CNBD1: variants seen among roughly 807,000 people sequenced by gnomAD.
CNBD1 encodes cyclic nucleotide-binding domain-containing protein 1.
Under a neutral mutation model 54.4 loss-of-function variants are expected in CNBD1, and 71 were observed. The ratio of observed to expected loss-of-function variants is 1.30; its 90% CI spans 1.08 to 1.59. The LOEUF is 1.59. Among genes scored for constraint, CNBD1 ranks in the 40% most tolerant of loss-of-function variants. CNBD1 has a pLI of 0.00. For missense variants in CNBD1, 659 were observed against 518.0 expected, an observed-to-expected ratio of 1.27 and a Z score of -2.64; for synonymous variants, 182 against 170.7, an observed-to-expected ratio of 1.07 and a Z score of -0.51.
In CNBD1 at chr8:87,276,306, A is replaced by G. The variant is rs151212454; in HGVS notation, c.772-8372A>G. ...CCTTCTTTCAGTTTTTATTTTATTTAAGGGAAAAAATATCAAAATGAGATT... is the reference window on the plus strand; with the variant it reads ...CCTTCTTTCAGTTTTTATTTTATTTGAGGGAAAAAATATCAAAATGAGATT... On this transcript the variant is annotated intron_variant, in intron 6 of 10. Transcript: ENST00000518476. Among the ~76,000 whole-genome samples, 435 of 151,984 alleles carry G rather than the reference A, an allele frequency of 2.9e-3. 1 individual carries two copies. Among genetic ancestry groups the G allele is most frequent in the African/African-American group, 1.0e-2 (415 of 41,512 alleles).
At chr8:87,258,856 A>G (rs1808073923) in intron 6 of CNBD1, among the ~76,000 whole-genome samples, 1 of 152,194 alleles carries the variant, frequency 6.6e-6, no homozygotes, top group Non-Finnish European at 1.5e-5. Context: ...CTGAAAAACA[A>G]ATAATATCCC....
At chr8:87,427,611 T>G (rs1808071882) in intron 2 of CNBD1, among the ~76,000 whole-genome samples, 1 of 152,310 alleles carries the variant, frequency 6.6e-6, no homozygotes, top group East Asian at 1.9e-4. Flanking sequence ...GGTCCTAAAT[T>G]GAATTACTTG....
intron 4 of CNBD1, among the ~76,000 whole-genome samples, chr8:87,039,499 G>A (rs113006251): frequency 1.5e-4 from 23 of 151,944 alleles, no homozygotes; most frequent in African/African-American, 5.3e-4. Flanking sequence ...CTATTTTATT[G>A]TCCCTTTCTA....
chr8:86,898,201 T>A (rs187506518), intron 2 of CNBD1, among the ~76,000 whole-genome samples: 185 of 152,252 alleles, frequency 1.2e-3, no homozygotes, highest in Non-Finnish European at 2.1e-3. Context: ...TTCACTGAAA[T>A]GTATATAAAG....
At chr8:86,897,948 A>T (rs1290220937) in intron 2 of CNBD1, among the ~76,000 whole-genome samples, 6 of 152,170 alleles carry the variant, frequency 3.9e-5, no homozygotes, top group Admixed American at 2.0e-4. Context: ...GAGATAGAAA[A>T]AAATGAAACA....
intron 4 of CNBD1, among the ~76,000 whole-genome samples, chr8:87,190,886 C>CCTATATCTAAATA (rs1427428611): frequency 1.1e-4 from 15 of 132,220 alleles, no homozygotes; most frequent in African/African-American, 1.3e-4. Context: ...GATACATGTA[C>CCTATATCTAAATA]GTATATCTAT....
rs927849758 is a variant in CNBD1, at chr8:87,253,567, T to C, written c.771+16455T>C. Reference sequence around the variant, plus strand: ...CCTTAATAGGTAGTTTCTTCATTCGTTCTCATAGTACCCAAGTGCCATGTG... The same window carrying C: ...CCTTAATAGGTAGTTTCTTCATTCGCTCTCATAGTACCCAAGTGCCATGTG... On this transcript the variant is annotated intron_variant, in intron 6 of 10. Transcript: ENST00000518476. Among the ~76,000 whole-genome samples, 8 of 152,164 alleles carry C rather than the reference T, an allele frequency of 5.3e-5. No individual in the cohort carries two copies. The East Asian group carries it at 7.7e-4, about 15-fold the overall frequency.
At chr8:87,121,371 G>T (rs1181133033) in intron 4 of CNBD1, among the ~76,000 whole-genome samples, 1 of 151,548 alleles carries the variant, frequency 6.6e-6, no homozygotes, top group Non-Finnish European at 1.5e-5. Context: ...AAATAAAAAT[G>T]TATTTATTAA....
At chr8:87,418,131 C>T (rs1807865967) in intron 2 of CNBD1, among the ~76,000 whole-genome samples, 1 of 151,906 alleles carries the variant, frequency 6.6e-6, no homozygotes, top group African/African-American at 2.4e-5. Flanking sequence ...AAAGAGCACG[C>T]ACACTTTCAG....
intron 4 of CNBD1, among the ~76,000 whole-genome samples, chr8:86,986,453 A>G (rs937874786): frequency 2.0e-5 from 3 of 151,894 alleles, no homozygotes; most frequent in African/African-American, 7.3e-5. Flanking sequence ...TTTTTTTCCC[A>G]TTCTGTAGGT....
chr8:87,370,858 T>C (rs1251195649), intron 10 of CNBD1, among the ~76,000 whole-genome samples: 1 of 150,880 alleles, frequency 6.6e-6, no homozygotes, highest in Non-Finnish European at 1.5e-5. Flanking sequence ...TTTATGGTTT[T>C]AGGTCTAACG....
intron 4 of CNBD1, among the ~76,000 whole-genome samples, chr8:86,995,414 C>G (rs1808846707): frequency 6.6e-6 from 1 of 152,142 alleles, no homozygotes; most frequent in Non-Finnish European, 1.5e-5. Flanking sequence ...AAACTAGTTA[C>G]AAAAACAGTG....
At chr8:87,357,524 G>A (rs932506847) in intron 10 of CNBD1, among the ~76,000 whole-genome samples, 2 of 152,184 alleles carry the variant, frequency 1.3e-5, no homozygotes, top group Admixed American at 1.3e-4. Flanking sequence ...GACATGCATG[G>A]GGAATGTTTC....
chr8:86,894,725 AT>A (rs1431430638), intron 2 of CNBD1, among the ~76,000 whole-genome samples: 2 of 151,772 alleles, frequency 1.3e-5, no homozygotes, highest in Non-Finnish European at 2.9e-5. Flanking sequence ...ACAACCACTG[AT>A]TTTTTTCCTC....
chr8:87,184,871 A>G, intron 4 of CNBD1, among the ~76,000 whole-genome samples: 1 of 151,858 alleles, frequency 6.6e-6, no homozygotes, highest in East Asian at 1.9e-4. Flanking sequence ...TTCCTTGTAT[A>G]TTTTCTTATA....
rs185727906 is a variant in CNBD1 at position 87,414,361 on chromosome 8, A to T, written c.214-14185A>T. On this transcript the variant is annotated intron_variant, in intron 2 of 7. Transcript: ENST00000521593. Reference sequence around the variant, plus strand: ...CACAGGAAGGGGAACATCACACTCCAGGGACTGTTGTGGGGTGGGGAGAGG... The same window carrying T: ...CACAGGAAGGGGAACATCACACTCCTGGGACTGTTGTGGGGTGGGGAGAGG... Among the ~76,000 whole-genome samples the T allele has an allele frequency of 3.2e-3, 481 of 152,004 alleles. 2 individuals carry two copies. The highest frequency in any genetic ancestry group is 0.011 in the African/African-American group (449 of 41,486).
intron 6 of CNBD1, among the ~76,000 whole-genome samples, chr8:87,245,107 G>A (rs1488375375): frequency 6.6e-6 from 1 of 152,010 alleles, no homozygotes; most frequent in Admixed American, 6.5e-5. Flanking sequence ...AATACAGATA[G>A]CTTGTAATAT....
At chr8:87,396,772 A>G (rs1461162127) in intron 2 of CNBD1, among the ~76,000 whole-genome samples, 2 of 151,450 alleles carry the variant, frequency 1.3e-5, no homozygotes, top group Non-Finnish European at 3.0e-5. Flanking sequence ...CAGTCCATCT[A>G]TTGTCTCTTT....
intron 4 of CNBD1, among the ~76,000 whole-genome samples, chr8:87,100,451 A>G (rs1161251125): frequency 6.6e-6 from 1 of 152,040 alleles, no homozygotes; most frequent in African/African-American, 2.4e-5. Flanking sequence ...CTCAATCTGA[A>G]TGGGGATAAC....
Sources: gnomAD v4.1 joint callset for allele counts (sites outside exome capture counted in the v4.1 genomes callset) on GRCh38, gnomAD v4.1.1 for gene constraint, MANE v1.5 for transcripts, NCBI Gene and HGNC (gene_info 2026-07-23, HGNC 2026-07-21) for gene names.